Variants in CDH18 observed in about 807,000 individuals in gnomAD.
CDH18 encodes cadherin 18.
A neutral mutation model predicts 67.9 loss-of-function variants in CDH18; 31 were observed. The ratio of observed to expected loss-of-function variants is 0.46; its 90% CI spans 0.34 to 0.62. The LOEUF (loss-of-function observed/expected upper bound fraction) is 0.62. CDH18 is among the 20% of genes least tolerant of loss of function. CDH18 has a pLI of 0.01. For synonymous variants in CDH18, 362 were observed against 347.2 expected (o/e 1.04, Z -0.48); for missense variants, 890 against 975.5 (o/e 0.91, Z 1.17).
Position 19,683,413 on chromosome 5 carries a change from A to G in CDH18, c.643+37934T>C, listed in dbSNP as rs886498208. Among the ~76,000 whole-genome samples, 15 of 152,100 alleles carry G rather than the reference A, an allele frequency of 9.9e-5. No homozygotes were observed. The East Asian group carries it at 2.9e-3, about 29-fold the overall frequency. ...AGATACCCATGCTGGTTTAATCCTG[A>G]TAACTGTTTAAATTTTTCTCCTGCA... On this transcript the variant is annotated intron_variant, in intron 5 of 12. Transcript: ENST00000382275.
At chr5:20,294,182 A>T (rs1048016519) in intron 1 of CDH18, among the ~76,000 whole-genome samples, 6 of 152,336 alleles carry the variant, frequency 3.9e-5, no homozygotes, top group African/African-American at 1.2e-4. Flanking sequence ...AAAGCATTTC[A>T]ATGCCCACTT....
At chr5:20,086,725 A>G (rs909595462) in intron 2 of CDH18, among the ~76,000 whole-genome samples, 2 of 152,210 alleles carry the variant, frequency 1.3e-5, no homozygotes, top group African/African-American at 4.8e-5. Context: ...TTTACTGAAT[A>G]GTTTAAGCCC....
intron 1 of CDH18, among the ~76,000 whole-genome samples, chr5:20,561,781 G>A (rs1758232698): frequency 6.6e-6 from 1 of 151,790 alleles, no homozygotes; most frequent in South Asian, 2.1e-4. Context: ...CAATAAAAAT[G>A]GTTTTCTAAG....
At chr5:19,546,989 T>C (rs1405156761) in intron 8 of CDH18, among the ~76,000 whole-genome samples, 1 of 152,202 alleles carries the variant, frequency 6.6e-6, no homozygotes, top group Non-Finnish European at 1.5e-5. Flanking sequence ...AAGTAAATCT[T>C]ATTCTGAGAC....
intron 3 of CDH18, among the ~76,000 whole-genome samples, chr5:19,775,507 C>T (rs1373672629): frequency 6.6e-6 from 1 of 151,836 alleles, no homozygotes; most frequent in African/African-American, 2.4e-5. Context: ...GAGCAGACAC[C>T]TCACAGAGTA....
At chr5:19,677,245 T>C (rs1316486322) in intron 5 of CDH18, among the ~76,000 whole-genome samples, 1 of 152,046 alleles carries the variant, frequency 6.6e-6, no homozygotes, top group East Asian at 1.9e-4. Context: ...CGATTGGGGA[T>C]GTGTTTTCAG....
At chr5:20,430,533 T>G (rs1748656312) in intron 1 of CDH18, among the ~76,000 whole-genome samples, 1 of 152,226 alleles carries the variant, frequency 6.6e-6, no homozygotes, top group Admixed American at 6.5e-5. Flanking sequence ...ACCATCTATA[T>G]ACCTTGGACT....
chr5:19,555,982 GC>G (rs1265872372), intron 8 of CDH18, among the ~76,000 whole-genome samples: 1 of 152,164 alleles, frequency 6.6e-6, no homozygotes, highest in Non-Finnish European at 1.5e-5. Flanking sequence ...TCAGCCCAGA[GC>G]CTGGTAGCTC....
chr5:19,550,419 C>G (rs1235902728), intron 8 of CDH18, among the ~76,000 whole-genome samples: 1 of 151,960 alleles, frequency 6.6e-6, no homozygotes, highest in Non-Finnish European at 1.5e-5. Flanking sequence ...CCCACTCCCC[C>G]CACCCCACAA....
At chr5:20,450,109 G>T (rs527589514) in intron 1 of CDH18, among the ~76,000 whole-genome samples, 1 of 151,906 alleles carries the variant, frequency 6.6e-6, no homozygotes, top group Non-Finnish European at 1.5e-5. Context: ...AGGCTGAGGC[G>T]GGTGGATCAC....
chr5:19,849,581 C>T lies in CDH18; in HGVS notation c.-256-10339G>A, dbSNP rs1040528921. 2.9e-4 allele frequency among the ~76,000 whole-genome samples: 43 copies of T among 148,190 alleles called. 2 individuals are homozygous for T. Among genetic ancestry groups the T allele is most frequent in the African/African-American group, 1.0e-3 (41 of 40,394 alleles). ...CAATGAAGTATACAAATTAGCATTT[C>T]AAACATATATATATAAACATATATA... On this transcript the variant is annotated intron_variant, in intron 2 of 12. Transcript: ENST00000382275.
At chr5:20,550,077 C>G (rs1207300640) in intron 1 of CDH18, among the ~76,000 whole-genome samples, 1 of 152,080 alleles carries the variant, frequency 6.6e-6, no homozygotes, top group Non-Finnish European at 1.5e-5. Flanking sequence ...AACAAAAACT[C>G]TCTCATATAA....
intron 11 of CDH18, among the ~76,000 whole-genome samples, chr5:19,499,684 T>C (rs1742919800): frequency 6.6e-6 from 1 of 152,188 alleles, no homozygotes; most frequent in African/African-American, 2.4e-5. Context: ...TTGTCATAAT[T>C]TATGCATTTT....
intron 5 of CDH18, among the ~76,000 whole-genome samples, chr5:19,696,340 C>T (rs953160302): frequency 6.6e-6 from 1 of 151,146 alleles, no homozygotes; most frequent in Admixed American, 6.6e-5. Flanking sequence ...AGTTCAAGAC[C>T]AGCCTGGTCA....
intron 2 of CDH18, among the ~76,000 whole-genome samples, chr5:20,118,827 T>C (rs558641757): frequency 2.0e-5 from 3 of 152,276 alleles, no homozygotes; most frequent in South Asian, 2.1e-4. Context: ...TTTTTTTCCA[T>C]TGTGTTCCTT....
chr5:19,590,484 G>A (rs200746983), intron 7 of CDH18, among the ~76,000 whole-genome samples: 2 of 149,702 alleles, frequency 1.3e-5, no homozygotes, highest in Non-Finnish European at 1.5e-5. Context: ...CTAGACAGAT[G>A]GATAGATAGA....
At chr5:20,371,672 T>A (rs1330251554) in intron 1 of CDH18, among the ~76,000 whole-genome samples, 1 of 152,108 alleles carries the variant, frequency 6.6e-6, no homozygotes, top group Non-Finnish European at 1.5e-5. Flanking sequence ...CATAAGAACG[T>A]TCACATGCTA....
intron 10 of CDH18, among the ~76,000 whole-genome samples, chr5:19,510,108 G>T (rs1744885314): frequency 6.6e-6 from 1 of 152,094 alleles, no homozygotes; most frequent in African/African-American, 2.4e-5. Flanking sequence ...ATTGAAAGAG[G>T]AACAGTCACA....
At chr5:20,451,869 A>G (rs1750474727) in intron 1 of CDH18, among the ~76,000 whole-genome samples, 1 of 152,198 alleles carries the variant, frequency 6.6e-6, no homozygotes, top group Non-Finnish European at 1.5e-5. Flanking sequence ...TTGAAAACTA[A>G]TGTTTTATAA....
Sources: allele counts gnomAD v4.1 joint callset (sites outside exome capture counted in the v4.1 genomes callset), GRCh38; gene constraint gnomAD v4.1.1; transcripts MANE v1.5; gene names NCBI Gene and HGNC (gene_info 2026-07-23, HGNC 2026-07-21).